WDR64: variants seen among roughly 807,000 people sequenced by gnomAD.
The protein encoded by WDR64 is WD repeat domain 64.
A neutral mutation model predicts 139.3 loss-of-function variants in WDR64; 112 were observed. The observed-to-expected ratio is 0.80, with a 90% CI of 0.69 to 0.94. The LOEUF is 0.94. Among genes scored for constraint, WDR64 ranks in the 40% least tolerant of loss-of-function variants. The probability of loss-of-function intolerance (pLI) is 0.00; values close to 1 mark genes in which losing one functional copy is unlikely to be tolerated. For missense variants in WDR64, 1,206 were observed against 1,293.1 expected (o/e 0.93, Z 1.03); for synonymous variants, 444 against 437.7 (o/e 1.01, Z -0.18).
intron 9 of WDR64, among the ~76,000 whole-genome samples, chr1:241,713,155 A>G (rs1011035873): frequency 1.3e-5 from 2 of 151,132 alleles, no homozygotes; most frequent in African/African-American, 4.9e-5. Context: ...AAAAAAAAAA[A>G]TTAAAAATTA....
intron 14 of WDR64, among the ~76,000 whole-genome samples, chr1:241,750,585 T>C (rs1454026698): frequency 2.0e-5 from 3 of 152,228 alleles, no homozygotes; most frequent in Non-Finnish European, 2.9e-5. Context: ...CAAAGTGCCA[T>C]TGTTCATCAG....
At chr1:241,674,805 A>G in intron 4 of WDR64, 58 bp downstream of exon 4, 1 of 1,106,982 alleles carries the variant, frequency 9.0e-7, no homozygotes, top group South Asian at 1.5e-5. Flanking sequence ...CAGGTAATTT[A>G]AAAGCTTGGA....
intron 9 of WDR64, 43 bp downstream of exon 9, chr1:241,711,924 A>T: frequency 6.3e-7 from 1 of 1,590,108 alleles, no homozygotes; most frequent in Non-Finnish European, 8.6e-7. Flanking sequence ...TCTACTTTGC[A>T]AACATCGTTC....
rs769138308 is a variant in WDR64 at position 241,744,411 on chromosome 1, G to C, written c.1489G>C (p.Gly497Arg). The C allele has an allele frequency of 1.6e-5, 26 of 1,613,930 alleles. No homozygotes were observed. In the East Asian group the frequency reaches 5.3e-4, roughly 33 times the overall value. Reference protein sequence around the residue: ...SIIRVWELETGLQVYQILEPH... With the variant: ...SIIRVWELETRLQVYQILEPH... ...CCCATAGGTATGGGAACTCGAGACT[G>C]GGCTCCAAGTATACCAGATTTTAGA... The change falls in exon 13 of 28, where the codon GGG becomes CGG. Residue 497 changes from glycine to arginine, a missense_variant. Gly to Arg is a moderately radical substitution (Grantham distance 125). Coordinates refer to ENST00000437684, the MANE Select transcript of WDR64 (RefSeq NM_001367482.1).
chr1:241,797,392 C>T (rs1227914838), intron 27 of WDR64, among the ~76,000 whole-genome samples: 1 of 152,134 alleles, frequency 6.6e-6, no homozygotes, highest in African/African-American at 2.4e-5. Flanking sequence ...TAACCTGTGG[C>T]CATTTATCCA....
intron 4 of WDR64, among the ~76,000 whole-genome samples, chr1:241,676,641 C>T (rs1000948098): frequency 5.9e-5 from 9 of 151,890 alleles, no homozygotes; most frequent in South Asian, 2.1e-4. Context: ...TGCACATACA[C>T]ACAAAAGCTT....
intron 21 of WDR64, among the ~76,000 whole-genome samples, chr1:241,777,387 A>G (rs1044677883): frequency 2.4e-4 from 37 of 151,362 alleles, no homozygotes; most frequent in Admixed American, 9.9e-4. Flanking sequence ...CTCGCTGCAT[A>G]CCACAAATTT....
chr1:241,693,918 C>CT (rs1434226930), intron 8 of WDR64, among the ~76,000 whole-genome samples: 1 of 152,028 alleles, frequency 6.6e-6, no homozygotes, highest in African/African-American at 2.4e-5. Flanking sequence ...TGAATTTCAG[C>CT]TTTTTAATCT....
In WDR64 at chr1:241,799,202, CAA is replaced by C. The variant is rs4046210; in HGVS notation, c.3193-1910_3193-1909del. Among the ~76,000 whole-genome samples the C allele has an allele frequency of 8.9e-3, 296 of 33,342 alleles. 4 individuals carry two copies. The highest frequency in any genetic ancestry group is 0.042 in the African/African-American group (276 of 6,540). 21.9% of individuals were successfully genotyped at this position (33,342 alleles called of 152,430 possible). On this transcript the variant is annotated intron_variant, in intron 27 of 27. Coordinates refer to ENST00000437684, the MANE Select transcript of WDR64 (RefSeq NM_001367482.1). ...GAAACACAGTGAGACTTTGTCTCTC[CAA>C]AAAAAAAAAAAAAAAAAAATACAAA... is the stretch of plus-strand genomic sequence containing the variant.
chr1:241,669,304 TG>T (rs1666136372), intron 2 of WDR64, among the ~76,000 whole-genome samples: 1 of 152,184 alleles, frequency 6.6e-6, no homozygotes, highest in African/African-American at 2.4e-5. Context: ...AGCGGTATTG[TG>T]GGTTCGAATG....
rs572311627 is a variant in WDR64 at position 241,694,621 on chromosome 1, C to T, written c.974+7026C>T. On this transcript the variant is annotated intron_variant, in intron 8 of 27. Coordinates refer to ENST00000437684, the MANE Select transcript of WDR64 (RefSeq NM_001367482.1). ...CTGGCAATTCGTGATACATTCATAA[C>T]CATAAAGGAACACTGTGAAAACGTA... Among the ~76,000 whole-genome samples, 53 of 152,230 alleles carry T rather than the reference C, an allele frequency of 3.5e-4. 1 individual carries two copies. In the South Asian group the frequency reaches 0.01, roughly 29 times the overall value.
intron 15 of WDR64, among the ~76,000 whole-genome samples, chr1:241,764,450 C>A: frequency 6.6e-6 from 1 of 152,080 alleles, no homozygotes. Context: ...GCCAGGAGTT[C>A]GAGGCCAGCC....
intron 11 of WDR64, among the ~76,000 whole-genome samples, chr1:241,741,180 C>A (rs552382634): frequency 1.3e-5 from 2 of 152,272 alleles, no homozygotes; most frequent in African/African-American, 4.8e-5. Flanking sequence ...GATGGAGAGG[C>A]ATGCTGCAGG....
Position 241,744,287 on chromosome 1 carries a change from T to C in WDR64, c.1471-106T>C. The C allele has an allele frequency of 5.2e-6, 7 of 1,352,640 alleles. No homozygotes were observed. In the South Asian group the frequency reaches 6.8e-5, roughly 13 times the overall value. 83.8% of individuals were successfully genotyped at this position (1,352,640 alleles called of 1,614,324 possible). Reference sequence around the variant, plus strand: ...GCAGAGCGCTAGGAAATGTGTTAGATGTACAGAGTTCCATTTTTGAGGCTG... The same window carrying C: ...GCAGAGCGCTAGGAAATGTGTTAGACGTACAGAGTTCCATTTTTGAGGCTG... On this transcript the variant is annotated intron_variant, in intron 12 of 27. Transcript: ENST00000437684.
chr1:241,704,476 A>T (rs982907742), intron 8 of WDR64, among the ~76,000 whole-genome samples: 1 of 152,230 alleles, frequency 6.6e-6, no homozygotes, highest in African/African-American at 2.4e-5. Context: ...GAATATGAAC[A>T]TGAAATACTG....
At chr1:241,671,037 C>A in intron 2 of WDR64, 37 bp from the exon 3 acceptor site, 2 of 1,376,746 alleles carry the variant, frequency 1.5e-6, no homozygotes, top group South Asian at 1.3e-5. Flanking sequence ...AATTCTGAGG[C>A]ATGCTGCATA....
In WDR64 at chr1:241,683,526, CTGTG is replaced by C; in HGVS notation, c.675_678del (p.Cys225TrpfsTer22). 1 of 1,530,418 alleles carries C rather than the reference CTGTG, an allele frequency of 6.5e-7. No individual in the cohort carries two copies. Among genetic ancestry groups the C allele is most frequent in the Non-Finnish European group, 8.8e-7 (1 of 1,132,324 alleles). The allele number at this position is 1,530,418 out of a possible 1,614,324, so 94.8% of individuals were successfully genotyped here. A position where few individuals can be genotyped will look rare whatever the true frequency, so the allele number is the denominator to read the frequency against. ...CATAAAACCAATGGATCACTGCCTC[CTGTG>C]TGTGTGTGTGGTGCCTTTGCCTGAC... On this transcript the variant is annotated frameshift_variant, in exon 7 of 28. Transcript: ENST00000437684. LOFTEE classifies it high-confidence loss of function.
At chr1:241,660,124 G>A (rs1366910402) in intron 1 of WDR64, among the ~76,000 whole-genome samples, 2 of 151,988 alleles carry the variant, frequency 1.3e-5, no homozygotes, top group East Asian at 1.9e-4. Flanking sequence ...TTTCCTACAC[G>A]TGGCTATCCA....
At chr1:241,658,024 C>T (rs2148052117) in intron 1 of WDR64, among the ~76,000 whole-genome samples, 1 of 152,264 alleles carries the variant, frequency 6.6e-6, no homozygotes, top group South Asian at 2.1e-4. Context: ...ATAGTTTGTT[C>T]ACTTGATACT....
Sources: allele counts gnomAD v4.1 joint callset (sites outside exome capture counted in the v4.1 genomes callset), GRCh38; gene constraint gnomAD v4.1.1; transcripts MANE v1.5; gene names NCBI Gene and HGNC (gene_info 2026-07-23, HGNC 2026-07-21).